The following UBXN7 variants were observed in gnomAD, a reference collection of about 807,000 sequenced individuals.
UBXN7 encodes UBX domain protein 7, also known as UBX domain-containing protein 7.
A neutral mutation model predicts 58.0 loss-of-function variants in UBXN7; 9 were observed. That is an observed-to-expected ratio of 0.16 (90% CI 0.09 to 0.27). UBXN7 has a LOEUF of 0.27. Among genes scored for constraint, UBXN7 ranks in the 10% least tolerant of loss-of-function variants. The probability of loss-of-function intolerance (pLI) is 1.00; values close to 1 mark genes in which losing one functional copy is unlikely to be tolerated. For synonymous variants in UBXN7, 208 were observed against 205.0 expected (o/e 1.01, Z -0.12); for missense variants, 328 against 599.6 (o/e 0.55, Z 4.73).
Position 196,362,753 on chromosome 3 carries a change from A to G in UBXN7, c.835-66T>C, listed in dbSNP as rs112172532. 1.6e-4 allele frequency: 235 copies of G among 1,509,338 alleles called. 2 individuals carry two copies. In the African/African-American group the frequency reaches 2.3e-3, roughly 15 times the overall value. 93.5% of individuals were successfully genotyped at this position (1,509,338 alleles called of 1,614,324 possible). A position where few individuals can be genotyped will look rare whatever the true frequency, so the allele number is the denominator to read the frequency against. On this transcript the variant is annotated intron_variant, in intron 8 of 10. Transcript: ENST00000296328. ...TAAACCAAAAAACAAGTCAAACGGC[A>G]TAAGAAATATAATAGCTTGCCATTC...
At chr3:196,388,456 T>G (rs1203008763) in intron 5 of UBXN7, among the ~76,000 whole-genome samples, 1 of 148,332 alleles carries the variant, frequency 6.7e-6, no homozygotes, top group Admixed American at 7.0e-5. Flanking sequence ...ATAAAAGAAA[T>G]AAATAAGCTA....
chr3:196,395,613 TTG>T (rs1190488107), intron 3 of UBXN7, among the ~76,000 whole-genome samples: 1 of 151,188 alleles, frequency 6.6e-6, no homozygotes, highest in East Asian at 1.9e-4. Context: ...TTCAGTTTTT[TTG>T]TTTGTTTGTT....
At chr3:196,381,801 T>C (rs971273359) in intron 5 of UBXN7, among the ~76,000 whole-genome samples, 2 of 152,204 alleles carry the variant, frequency 1.3e-5, no homozygotes, top group African/African-American at 4.8e-5. Flanking sequence ...TTAAATGACC[T>C]GATGGAGCTG....
At chr3:196,362,030 A>C in intron 9 of UBXN7, 107 bp from the exon 10 acceptor site, 4 of 1,190,622 alleles carry the variant, frequency 3.4e-6, no homozygotes, top group Non-Finnish European at 4.8e-6. Flanking sequence ...GCAATTACTC[A>C]AGTGTTTTGC....
chr3:196,385,615 G>A (rs1211393035), intron 5 of UBXN7, among the ~76,000 whole-genome samples: 2 of 151,802 alleles, frequency 1.3e-5, no homozygotes, highest in Non-Finnish European at 2.9e-5. Flanking sequence ...CTGCCCCGCC[G>A]CCACCCACTC....
At chr3:196,393,480 C>A in intron 4 of UBXN7, 74 bp downstream of exon 4, 23 of 1,415,998 alleles carry the variant, frequency 1.6e-5, no homozygotes, top group Non-Finnish European at 2.2e-5. Flanking sequence ...AGTAATTGGG[C>A]CTAATAGTAA....
At chr3:196,419,321 TAAAC>T (rs1553854644) in intron 1 of UBXN7, among the ~76,000 whole-genome samples, 8 of 150,214 alleles carry the variant, frequency 5.3e-5, no homozygotes, top group Non-Finnish European at 3.0e-5. Flanking sequence ...AATAAATAAA[TAAAC>T]AATGTGACAG....
intron 5 of UBXN7, among the ~76,000 whole-genome samples, chr3:196,381,402 G>A (rs1246274868): frequency 6.6e-6 from 1 of 152,214 alleles, no homozygotes; most frequent in African/African-American, 2.4e-5. Flanking sequence ...GGACCTGACT[G>A]TTAGAAGGAA....
At chr3:196,389,922 G>T (rs572067494) in intron 5 of UBXN7, among the ~76,000 whole-genome samples, 2 of 151,988 alleles carry the variant, frequency 1.3e-5, no homozygotes, top group Non-Finnish European at 2.9e-5. Flanking sequence ...GATATACATC[G>T]GTTGTTTATT....
chr3:196,383,236 G>A (rs966462486), intron 5 of UBXN7, among the ~76,000 whole-genome samples: 1 of 151,986 alleles, frequency 6.6e-6, no homozygotes, highest in Non-Finnish European at 1.5e-5. Context: ...TTGGTAAAGG[G>A]GTCAATTCAA....
At chr3:196,430,735 T>C (rs1029041448) in intron 1 of UBXN7, among the ~76,000 whole-genome samples, 1 of 152,186 alleles carries the variant, frequency 6.6e-6, no homozygotes, top group Non-Finnish European at 1.5e-5. Context: ...GGATTAATAA[T>C]GATATTCACT....
chr3:196,402,476 C>T (rs529886546), intron 3 of UBXN7, among the ~76,000 whole-genome samples: 78 of 152,218 alleles, frequency 5.1e-4, no homozygotes, highest in Middle Eastern at 6.8e-3. Context: ...AAATGCTTAA[C>T]GATAAATTAA....
At chr3:196,412,851 T>C (rs2108619472) in intron 1 of UBXN7, among the ~76,000 whole-genome samples, 1 of 152,294 alleles carries the variant, frequency 6.6e-6, no homozygotes, top group Admixed American at 6.5e-5. Context: ...ATGTGAGACA[T>C]TTAGAGCACT....
chr3:196,374,165 C>G (rs908871607), intron 5 of UBXN7, among the ~76,000 whole-genome samples: 1 of 152,038 alleles, frequency 6.6e-6, no homozygotes, highest in African/African-American at 2.4e-5. Flanking sequence ...CGCACATATT[C>G]CTACAGCAGG....
At chr3:196,367,090 G>A (rs1728692199) in intron 8 of UBXN7, among the ~76,000 whole-genome samples, 1 of 151,942 alleles carries the variant, frequency 6.6e-6, no homozygotes, top group African/African-American at 2.4e-5. Flanking sequence ...GGCCAAGGCA[G>A]GAGAATCGCT....
intron 1 of UBXN7, among the ~76,000 whole-genome samples, chr3:196,420,530 CAA>C (rs60528354): frequency 2.0e-4 from 26 of 128,068 alleles, no homozygotes; most frequent in East Asian, 1.2e-3. Flanking sequence ...GACTCCATCT[CAA>C]AAAAAAAAAA....
intron 5 of UBXN7, among the ~76,000 whole-genome samples, chr3:196,386,819 T>G (rs1468489700): frequency 2.0e-5 from 3 of 152,134 alleles, no homozygotes; most frequent in Non-Finnish European, 4.4e-5. Flanking sequence ...GCCAACCCCA[T>G]GAAGTTACCA....
At chr3:196,372,300 T>TTCTCTCTCTCTCTCTCTCTCTCTCTCTC (rs144595952) in intron 5 of UBXN7, among the ~76,000 whole-genome samples, 1,377 of 133,400 alleles carry the variant, frequency 0.01, 20 homozygotes, top group South Asian at 0.015. Flanking sequence ...TAATAGCTGA[T>TTCTCTCTCTCTCTCTCTCTCTCTCTCTC]TCTCTCTCTC....
chr3:196,399,538 G>A (rs917475253), intron 3 of UBXN7, among the ~76,000 whole-genome samples: 10 of 152,162 alleles, frequency 6.6e-5, no homozygotes, highest in Non-Finnish European at 1.2e-4. Context: ...CCAAGCTCAA[G>A]CGATCCTCCC....
Sources: gnomAD v4.1 joint callset for allele counts (sites outside exome capture counted in the v4.1 genomes callset) on GRCh38, gnomAD v4.1.1 for gene constraint, MANE v1.5 for transcripts, NCBI Gene and HGNC (gene_info 2026-07-23, HGNC 2026-07-21) for gene names.